The following CSRNP3 variants were observed in gnomAD, a reference collection of about 807,000 sequenced individuals.
CSRNP3 encodes cysteine/serine-rich nuclear protein 3.
Under a neutral mutation model 48.0 loss-of-function variants are expected in CSRNP3, and 12 were observed. The ratio of observed to expected loss-of-function variants is 0.25; its 90% CI spans 0.16 to 0.41. The LOEUF (loss-of-function observed/expected upper bound fraction) is 0.41. CSRNP3 is among the 10% of genes least tolerant of loss of function. CSRNP3 has a pLI of 1.00. For missense variants in CSRNP3, 580 were observed against 724.4 expected, an observed-to-expected ratio of 0.80 and a Z score of 2.29; for synonymous variants, 263 against 269.7, an observed-to-expected ratio of 0.98 and a Z score of 0.24.
intron 3 of CSRNP3, among the ~76,000 whole-genome samples, chr2:165,565,447 T>C (rs1450556148): frequency 6.6e-6 from 1 of 152,086 alleles, no homozygotes; most frequent in Non-Finnish European, 1.5e-5. Flanking sequence ...CCTTCTAATA[T>C]GAAGGAACAC....
chr2:165,518,524 A>T (rs1338296132), intron 3 of CSRNP3, among the ~76,000 whole-genome samples: 2 of 152,018 alleles, frequency 1.3e-5, no homozygotes, highest in African/African-American at 4.8e-5. Flanking sequence ...TTAGGATGAT[A>T]TAACTGGAAA....
chr2:165,654,033 A>C (rs1686963077), intron 4 of CSRNP3, among the ~76,000 whole-genome samples: 2 of 145,280 alleles, frequency 1.4e-5, no homozygotes, highest in African/African-American at 5.0e-5. Context: ...TATAATAATG[A>C]TTTTAAATGA....
At chr2:165,549,925 G>T (rs1685076744) in intron 3 of CSRNP3, among the ~76,000 whole-genome samples, 1 of 152,084 alleles carries the variant, frequency 6.6e-6, no homozygotes, top group African/African-American at 2.4e-5. Context: ...TCAGTCCTTG[G>T]TTTTTCTGTA....
chr2:165,493,011 GT>G (rs1684239809), intron 1 of CSRNP3, among the ~76,000 whole-genome samples: 1 of 151,340 alleles, frequency 6.6e-6, no homozygotes, highest in Non-Finnish European at 1.5e-5. Flanking sequence ...TAAGGTAGAG[GT>G]AAGTCTGTTA....
chr2:165,614,750 T>G (rs76456260), intron 4 of CSRNP3, among the ~76,000 whole-genome samples: 1 of 152,170 alleles, frequency 6.6e-6, no homozygotes, highest in Admixed American at 6.5e-5. Context: ...TGTGTGTTGA[T>G]GTGTTTACAT....
chr2:165,532,290 C>T (rs1684824052), intron 3 of CSRNP3, among the ~76,000 whole-genome samples: 2 of 152,148 alleles, frequency 1.3e-5, no homozygotes, highest in African/African-American at 4.8e-5. Flanking sequence ...CCTTGATGAA[C>T]ATCGATGCAA....
chr2:165,510,377 A>AT (rs888201892), intron 2 of CSRNP3, among the ~76,000 whole-genome samples: 4 of 151,864 alleles, frequency 2.6e-5, no homozygotes, highest in African/African-American at 9.7e-5. Context: ...ATATATATTT[A>AT]TTTTTTCTTG....
chr2:165,506,688 C>A (rs1462647203), intron 2 of CSRNP3, among the ~76,000 whole-genome samples: 1 of 152,098 alleles, frequency 6.6e-6, no homozygotes, highest in African/African-American at 2.4e-5. Flanking sequence ...TCTCAGCTCC[C>A]TCAAAACCAT....
At chr2:165,495,703 G>C (rs1380615504) in intron 2 of CSRNP3, among the ~76,000 whole-genome samples, 1 of 152,014 alleles carries the variant, frequency 6.6e-6, no homozygotes, top group South Asian at 2.1e-4. Context: ...AGTAAATGAA[G>C]TGAAAGCCCC....
intron 5 of CSRNP3, among the ~76,000 whole-genome samples, chr2:165,673,816 T>C (rs1289727379): frequency 2.0e-5 from 3 of 151,862 alleles, no homozygotes; most frequent in Non-Finnish European, 4.4e-5. Context: ...AGGTCAGGAG[T>C]TCGAGACCAG....
intron 2 of CSRNP3, among the ~76,000 whole-genome samples, chr2:165,499,917 A>G (rs1476373442): frequency 6.6e-6 from 1 of 152,068 alleles, no homozygotes; most frequent in East Asian, 1.9e-4. Flanking sequence ...GTAGTAGTAA[A>G]GACTGAGTTA....
intron 3 of CSRNP3, among the ~76,000 whole-genome samples, chr2:165,539,035 A>T (rs1684918935): frequency 6.6e-6 from 1 of 152,018 alleles, no homozygotes; most frequent in Middle Eastern, 3.2e-3. Context: ...TTGAAAAAGT[A>T]CGATGTTATT....
chr2:165,610,433 C>T (rs1486539989), intron 4 of CSRNP3, among the ~76,000 whole-genome samples: 1 of 152,038 alleles, frequency 6.6e-6, no homozygotes, highest in Non-Finnish European at 1.5e-5. Flanking sequence ...GTTCAAACAC[C>T]CTGTATTTGC....
At chr2:165,605,916 C>T (rs1686002410) in intron 4 of CSRNP3, among the ~76,000 whole-genome samples, 1 of 152,000 alleles carries the variant, frequency 6.6e-6, no homozygotes. Context: ...AGAGTCTGTG[C>T]ATGGAACAAA....
At chr2:165,613,303 A>G (rs151273760) in intron 4 of CSRNP3, among the ~76,000 whole-genome samples, 101 of 152,234 alleles carry the variant, frequency 6.6e-4, no homozygotes, top group Admixed American at 9.8e-4. Context: ...AATTCCTCAT[A>G]TAGTCTGGAT....
At chr2:165,502,610 A>C (rs1229562515) in intron 2 of CSRNP3, among the ~76,000 whole-genome samples, 1 of 151,994 alleles carries the variant, frequency 6.6e-6, no homozygotes, top group Non-Finnish European at 1.5e-5. Flanking sequence ...GTATATGCCC[A>C]CTTCTAATAA....
At chr2:165,676,040 C>A (rs1239182946) in intron 5 of CSRNP3, among the ~76,000 whole-genome samples, 1 of 152,138 alleles carries the variant, frequency 6.6e-6, no homozygotes, top group Non-Finnish European at 1.5e-5. Context: ...ATAGCACTCT[C>A]TAAAAGCTCC....
intron 3 of CSRNP3, among the ~76,000 whole-genome samples, chr2:165,531,305 A>G (rs1684809000): frequency 6.6e-6 from 1 of 152,192 alleles, no homozygotes; most frequent in African/African-American, 2.4e-5. Flanking sequence ...AGGTTGTTCA[A>G]TAAATAAGGC....
intron 3 of CSRNP3, among the ~76,000 whole-genome samples, chr2:165,552,234 T>A (rs1398409342): frequency 1.3e-5 from 2 of 152,190 alleles, no homozygotes; most frequent in Non-Finnish European, 2.9e-5. Flanking sequence ...ATAAAGATCT[T>A]ACAGAATTCT....
Sources: allele counts gnomAD v4.1 joint callset (sites outside exome capture counted in the v4.1 genomes callset), GRCh38; gene constraint gnomAD v4.1.1; transcripts MANE v1.5; gene names NCBI Gene and HGNC (gene_info 2026-07-23, HGNC 2026-07-21).